HOMER2: variants seen among roughly 807,000 people sequenced by gnomAD.
HOMER2 encodes homer scaffold protein 2, also known as homer protein homolog 2.
A neutral mutation model predicts 47.0 loss-of-function variants in HOMER2; 27 were observed. The ratio of observed to expected loss-of-function variants is 0.57; its 90% confidence interval spans 0.42 to 0.79. The LOEUF (loss-of-function observed/expected upper bound fraction) is 0.79, where lower values mean the gene tolerates loss of function less well. Ranked by LOEUF, HOMER2 falls within the 30% of genes least tolerant of loss-of-function variation. The pLI, the probability that HOMER2 is intolerant of heterozygous loss-of-function variation, is 0.00. For synonymous variants in HOMER2, 161 were observed against 163.8 expected (o/e 0.98, Z 0.13); for missense variants, 443 against 435.0 (o/e 1.02, Z -0.16).
chr15:82,926,033 C>T (rs757785578), intron 1 of HOMER2: 1 of 152,286 alleles, frequency 6.6e-6, no homozygotes, highest in Non-Finnish European at 1.5e-5. Flanking sequence ...CTTCTCTTGC[C>T]TCTCCAACTC....
intron 1 of HOMER2, among the ~76,000 whole-genome samples, chr15:82,906,222 T>C (rs927681208): frequency 6.6e-6 from 1 of 151,982 alleles, no homozygotes; most frequent in Admixed American, 6.6e-5. Context: ...TAGAATCATA[T>C]GAAATGCTCA....
chr15:82,903,254 G>A (rs1051013184), intron 1 of HOMER2, among the ~76,000 whole-genome samples: 7 of 152,194 alleles, frequency 4.6e-5, no homozygotes, highest in African/African-American at 1.7e-4. Context: ...ATTTCAAAAT[G>A]GCGTCGGGAG....
intron 1 of HOMER2, among the ~76,000 whole-genome samples, chr15:82,939,997 C>G (rs956847530): frequency 1.3e-5 from 2 of 152,120 alleles, no homozygotes; most frequent in African/African-American, 4.8e-5. Flanking sequence ...TGTTCTCACT[C>G]ATAAGTGGGA....
At chr15:82,880,730 G>A (rs1353768829) in intron 2 of HOMER2, among the ~76,000 whole-genome samples, 3 of 152,144 alleles carry the variant, frequency 2.0e-5, no homozygotes, top group Admixed American at 6.6e-5. Context: ...GAGGAGATAC[G>A]AGACTTGAGT....
At chr15:82,902,714 T>C (rs1053251579) in intron 1 of HOMER2, among the ~76,000 whole-genome samples, 1 of 152,206 alleles carries the variant, frequency 6.6e-6, no homozygotes, top group Non-Finnish European at 1.5e-5. Flanking sequence ...TATGAGGGTA[T>C]GACTTGGAAA....
At chr15:82,985,990 A>G (rs945815136), upstream of HOMER2, 13 of 826,712 alleles carry the variant, frequency 1.6e-5, no homozygotes, top group African/African-American at 1.8e-5. Flanking sequence ...GGAGCTTAAT[A>G]GACGGCGACG....
At chr15:82,889,545 C>T (rs527789887) in intron 2 of HOMER2, among the ~76,000 whole-genome samples, 12 of 152,172 alleles carry the variant, frequency 7.9e-5, no homozygotes, top group Admixed American at 6.5e-5. Context: ...CCCAGCAGTC[C>T]GCTCAACACA....
chr15:82,944,262 C>T (rs989539139), intron 1 of HOMER2, among the ~76,000 whole-genome samples: 1 of 152,120 alleles, frequency 6.6e-6, no homozygotes, highest in African/African-American at 2.4e-5. Flanking sequence ...AAACGCACCC[C>T]GCTAGGAAAC....
intron 1 of HOMER2, among the ~76,000 whole-genome samples, chr15:82,904,275 G>A (rs555350068): frequency 1.3e-5 from 2 of 152,214 alleles, no homozygotes; most frequent in Non-Finnish European, 2.9e-5. Context: ...AGAGCAGAAA[G>A]CCATAAGCAG....
chr15:82,850,708 G>A lies in HOMER2; in HGVS notation c.843+443C>T, dbSNP rs571486049. Among the ~76,000 whole-genome samples the A allele has an allele frequency of 2.6e-5, 4 of 152,302 alleles. No individual in the cohort carries two copies. The South Asian group carries it at 6.2e-4, about 24-fold the overall frequency. ...AGGACCTGCAGGGAAGAGGCGCTCC[G>A]AGGTGGAGGAAGCCCTGAAAATCCT... On this transcript the variant is annotated intron_variant, in intron 8 of 8. Coordinates refer to ENST00000450735, the MANE Select transcript of HOMER2 (RefSeq NM_004839.4).
intron 1 of HOMER2, among the ~76,000 whole-genome samples, chr15:82,949,182 T>TA (rs2054449343): frequency 6.6e-6 from 1 of 152,164 alleles, no homozygotes; most frequent in African/African-American, 2.4e-5. Context: ...CTCCATGTAT[T>TA]GACGAGAGTC....
At chr15:82,873,420 A>G (rs1445255757) in intron 3 of HOMER2, among the ~76,000 whole-genome samples, 1 of 152,138 alleles carries the variant, frequency 6.6e-6, no homozygotes, top group African/African-American at 2.4e-5. Flanking sequence ...TCTGCATATG[A>G]AGTGAAGCAA....
chr15:82,979,996 G>C (rs2030336641), intron 1 of HOMER2, among the ~76,000 whole-genome samples: 1 of 152,180 alleles, frequency 6.6e-6, no homozygotes, highest in African/African-American at 2.4e-5. Context: ...AACACAAGGA[G>C]AGTATAGGCA....
In HOMER2 at chr15:82,851,830, G is replaced by A. The variant is rs899746; in HGVS notation, c.762+312C>T. On this transcript the variant is annotated intron_variant, in intron 7 of 8. Coordinates refer to ENST00000450735, the MANE Select transcript of HOMER2 (RefSeq NM_004839.4). ...AGTGGTTACATCATGGGTCTCTAGC[G>A]GCATTAATTTGGCAGCAAAACTCAA... Among the ~76,000 whole-genome samples, 46,597 of 152,100 alleles carry A rather than the reference G, an allele frequency of 0.31. 7,353 individuals are homozygous for A. The highest frequency in any genetic ancestry group is 0.42 in the East Asian group (2,180 of 5,186).
At chr15:82,882,038 A>C (rs1247085616) in intron 2 of HOMER2, among the ~76,000 whole-genome samples, 1 of 152,258 alleles carries the variant, frequency 6.6e-6, no homozygotes, top group Non-Finnish European at 1.5e-5. Flanking sequence ...CAATGCTCTG[A>C]AAATGGAGTT....
At chr15:82,897,134 T>C (rs1393416872) in intron 1 of HOMER2, among the ~76,000 whole-genome samples, 1 of 147,650 alleles carries the variant, frequency 6.8e-6, no homozygotes, top group Non-Finnish European at 1.5e-5. Flanking sequence ...TGGCATGATC[T>C]TGGCTCACTG....
intron 3 of HOMER2, among the ~76,000 whole-genome samples, chr15:82,868,102 TC>T (rs1403770979): frequency 1.3e-5 from 2 of 152,334 alleles, no homozygotes; most frequent in African/African-American, 2.4e-5. Flanking sequence ...AATATTTTTT[TC>T]ATATGATTGT....
intron 2 of HOMER2, among the ~76,000 whole-genome samples, chr15:82,889,730 C>A (rs901190286): frequency 6.6e-6 from 1 of 152,202 alleles, no homozygotes; most frequent in African/African-American, 2.4e-5. Context: ...TCCATGCCCA[C>A]CCGACTTGTG....
intron 1 of HOMER2, among the ~76,000 whole-genome samples, chr15:82,943,567 GT>G (rs1440225039): frequency 6.6e-6 from 1 of 152,178 alleles, no homozygotes; most frequent in African/African-American, 2.4e-5. Flanking sequence ...ACAACTCTTC[GT>G]TTTTCCATTT....
Sources: gnomAD v4.1 joint callset for allele counts (sites outside exome capture counted in the v4.1 genomes callset) on GRCh38, gnomAD v4.1.1 for gene constraint, MANE v1.5 for transcripts, NCBI Gene and HGNC (gene_info 2026-07-23, HGNC 2026-07-21) for gene names.